KCNIP4: variants seen among roughly 807,000 people sequenced by gnomAD.
KCNIP4 encodes the protein Kv channel-interacting protein 4.
Under a neutral mutation model 34.0 loss-of-function variants are expected in KCNIP4, and 12 were observed. The observed-to-expected ratio is 0.35, with a 90% CI of 0.23 to 0.57. The LOEUF (loss-of-function observed/expected upper bound fraction) is 0.57. Ranked by LOEUF, KCNIP4 falls within the 20% of genes least tolerant of loss-of-function variation. The pLI, the probability that KCNIP4 is intolerant of heterozygous loss-of-function variation, is 0.83. For missense variants in KCNIP4, 238 were observed against 311.7 expected, an observed-to-expected ratio of 0.76 and a Z score of 1.78; for synonymous variants, 124 against 102.2, an observed-to-expected ratio of 1.21 and a Z score of -1.29.
intron 1 of KCNIP4, among the ~76,000 whole-genome samples, chr4:21,534,947 G>C (rs976166824): frequency 6.6e-6 from 1 of 152,008 alleles, no homozygotes; most frequent in Admixed American, 6.5e-5. Flanking sequence ...TCAAACTCAG[G>C]CATTCAATGC....
intron 1 of KCNIP4, among the ~76,000 whole-genome samples, chr4:21,308,065 C>G (rs1047125278): frequency 1.3e-5 from 2 of 152,184 alleles, no homozygotes; most frequent in Non-Finnish European, 2.9e-5. Flanking sequence ...ATATGCAACT[C>G]TTACCTTCAA....
intron 1 of KCNIP4, among the ~76,000 whole-genome samples, chr4:21,241,416 T>C (rs1430107137): frequency 6.6e-6 from 1 of 152,112 alleles, no homozygotes; most frequent in Non-Finnish European, 1.5e-5. Context: ...GAAGAGGAAA[T>C]GGGTTCATTC....
chr4:21,115,368 T>C (rs1749593638), intron 1 of KCNIP4, among the ~76,000 whole-genome samples: 1 of 152,168 alleles, frequency 6.6e-6, no homozygotes, highest in Admixed American at 6.5e-5. Context: ...ATAATTTGAT[T>C]TTTTACCTCA....
At chr4:21,460,759 A>G (rs1729397999) in intron 1 of KCNIP4, among the ~76,000 whole-genome samples, 1 of 152,014 alleles carries the variant, frequency 6.6e-6, no homozygotes. Context: ...TTTCTCAGTA[A>G]CTTTAGAGAA....
chr4:21,233,197 A>C (rs1427595670), intron 1 of KCNIP4, among the ~76,000 whole-genome samples: 1 of 152,132 alleles, frequency 6.6e-6, no homozygotes, highest in Non-Finnish European at 1.5e-5. Context: ...GGAAATGTCC[A>C]CTGAGTTTGG....
intron 1 of KCNIP4, among the ~76,000 whole-genome samples, chr4:21,393,552 C>T (rs1200649280): frequency 3.3e-5 from 5 of 152,258 alleles, no homozygotes; most frequent in African/African-American, 1.2e-4. Flanking sequence ...GCAAGGATTT[C>T]AGTATCTCAG....
At chr4:21,132,921 G>A (rs1265955377) in intron 1 of KCNIP4, among the ~76,000 whole-genome samples, 3 of 151,288 alleles carry the variant, frequency 2.0e-5, no homozygotes, top group African/African-American at 2.4e-5. Flanking sequence ...GCTGAGGCAG[G>A]AGAATTGCTT....
At chr4:20,784,942 A>C (rs1711747907) in intron 3 of KCNIP4, among the ~76,000 whole-genome samples, 1 of 152,306 alleles carries the variant, frequency 6.6e-6, no homozygotes, top group Non-Finnish European at 1.5e-5. Flanking sequence ...AGGGAAGGGC[A>C]TTCCCCCATT....
In KCNIP4 at chr4:20,850,661, A is replaced by G. The variant is rs1420029763; in HGVS notation, c.170T>C (p.Val57Ala). The stretch of plus-strand genomic sequence containing the variant: ...GGTGGCCATCTCCAGTTCATCTTCC[A>G]CGCTGTCTGTGGAGGAAAACAAGAA... ...KTSSPAIQNS[V>A]EDELEMATVR... The change falls in exon 3 of 9, where the codon GTG (valine) becomes GCG (alanine). Residue 57 changes from valine to alanine, a missense_variant. Physicochemically the swap from Val to Ala is moderately conservative, Grantham distance 64 (BLOSUM62 0). Transcript: ENST00000382152. 1.9e-6 allele frequency: 3 copies of G among 1,611,954 alleles called. No individual in the cohort carries two copies. The highest frequency in any genetic ancestry group is 2.2e-5 in the East Asian group (1 of 44,778).
At chr4:21,785,021 C>T (rs566959482) in intron 1 of KCNIP4, among the ~76,000 whole-genome samples, 43 of 152,144 alleles carry the variant, frequency 2.8e-4, no homozygotes, top group Non-Finnish European at 5.7e-4. Flanking sequence ...CCACTCTCAC[C>T]CATCCCTTGC....
chr4:21,877,564 T>C (rs1726201137), intron 1 of KCNIP4, among the ~76,000 whole-genome samples: 1 of 152,258 alleles, frequency 6.6e-6, no homozygotes, highest in South Asian at 2.1e-4. Context: ...CCTCCTAATT[T>C]CCCTCTTCAA....
At chr4:21,183,376 C>T (rs967287931) in intron 1 of KCNIP4, among the ~76,000 whole-genome samples, 5 of 151,584 alleles carry the variant, frequency 3.3e-5, no homozygotes, top group Non-Finnish European at 7.4e-5. Flanking sequence ...TGGATATATA[C>T]CCAGAAGTAA....
At chr4:21,792,475 C>T (rs1403568656) in intron 1 of KCNIP4, among the ~76,000 whole-genome samples, 1 of 152,170 alleles carries the variant, frequency 6.6e-6, no homozygotes, top group Admixed American at 6.5e-5. Flanking sequence ...TTAAAGAAAA[C>T]TATTAAGTAA....
chr4:21,629,677 CAG>C (rs1745578916), intron 1 of KCNIP4, among the ~76,000 whole-genome samples: 1 of 152,044 alleles, frequency 6.6e-6, no homozygotes, highest in Non-Finnish European at 1.5e-5. Flanking sequence ...TCTTCAAATT[CAG>C]AAACAACCTG....
chr4:20,857,517 G>A lies in KCNIP4; in HGVS notation c.164-6850C>T, dbSNP rs371286182. On this transcript the variant is annotated intron_variant, in intron 2 of 8. Transcript: ENST00000382152. ...GGAGACTGAGTCTCATGGATGTGAA[G>A]AAATTCACAACCAGAAGTCAAATAT... 9.1e-4 allele frequency among the ~76,000 whole-genome samples: 134 copies of A among 146,732 alleles called. 1 individual carries two copies. The highest frequency in any genetic ancestry group is 3.2e-3 in the African/African-American group (127 of 39,160).
intron 3 of KCNIP4, among the ~76,000 whole-genome samples, chr4:20,762,074 A>G (rs1281017635): frequency 6.6e-6 from 1 of 152,208 alleles, no homozygotes. Context: ...TAGGCAGCTT[A>G]TAAACAATAG....
At position 20,729,831 on chromosome 4, in the gene KCNIP4, T is replaced by A; in HGVS notation, c.*251A>T. 2 of 369,884 alleles carry A rather than the reference T, an allele frequency of 5.4e-6. No individual in the cohort carries two copies. The highest frequency in any genetic ancestry group is 9.7e-6 in the Non-Finnish European group (2 of 207,178). The allele number at this position is 369,884 out of a possible 1,614,324, so 22.9% of individuals were successfully genotyped here. ...AATAAAACTATATGCCAGATTCTATTACTTTTGAATATTCACAGAGTATGA... is the reference window on the plus strand; with the variant it reads ...AATAAAACTATATGCCAGATTCTATAACTTTTGAATATTCACAGAGTATGA... On this transcript the variant is annotated 3_prime_UTR_variant, in exon 9 of 9. Transcript: ENST00000382152.
chr4:21,463,155 T>C (rs559531128), intron 1 of KCNIP4, among the ~76,000 whole-genome samples: 2 of 152,200 alleles, frequency 1.3e-5, no homozygotes, highest in African/African-American at 4.8e-5. Context: ...GGTACCCTTT[T>C]CTCCACATCC....
chr4:21,748,396 C>CTT (rs1716923882), intron 1 of KCNIP4, among the ~76,000 whole-genome samples: 10 of 152,098 alleles, frequency 6.6e-5, no homozygotes, highest in Admixed American at 6.6e-4. Flanking sequence ...ACCTAATAAG[C>CTT]ATTTGATAAG....
Sources: gnomAD v4.1 joint callset for allele counts (sites outside exome capture counted in the v4.1 genomes callset) on GRCh38, gnomAD v4.1.1 for gene constraint, MANE v1.5 for transcripts, NCBI Gene and HGNC (gene_info 2026-07-23, HGNC 2026-07-21) for gene names.